ANKRD31: variants seen among roughly 807,000 people sequenced by gnomAD.
The protein encoded by ANKRD31 is ankyrin repeat domain-containing protein 31.
A neutral mutation model predicts 186.0 loss-of-function variants in ANKRD31; 147 were observed. That is an observed-to-expected ratio of 0.79 (90% CI 0.69 to 0.91). ANKRD31 has a LOEUF of 0.91. Among genes scored for constraint, ANKRD31 ranks in the 40% least tolerant of loss-of-function variants. The pLI is 0.00. For synonymous variants in ANKRD31, 673 were observed against 736.4 expected (o/e 0.91, Z 1.39); for missense variants, 1,986 against 2,148.8 (o/e 0.92, Z 1.50).
At chr5:75,094,571 T>C (rs1458914506) in intron 22 of ANKRD31, among the ~76,000 whole-genome samples, 5 of 152,098 alleles carry the variant, frequency 3.3e-5, no homozygotes, top group South Asian at 2.1e-4. Flanking sequence ...GAATTCTACA[T>C]TGGAAAATAT....
intron 13 of ANKRD31, among the ~76,000 whole-genome samples, chr5:75,147,797 T>C (rs1257154029): frequency 6.6e-6 from 1 of 151,864 alleles, no homozygotes. Flanking sequence ...TTATTAAACA[T>C]AATAAATTTT....
chr5:75,167,174 A>AT lies in ANKRD31; in HGVS notation c.1707+1804dup, dbSNP rs72014745. On this transcript the variant is annotated intron_variant, in intron 11 of 25. Transcript: ENST00000506364. The stretch of plus-strand genomic sequence containing the variant: ...AAATTAATGGAATGGTAAGATGTGG[A>AT]TTTTTTTTTTTTACTGCTTTTTCAC... Among the ~76,000 whole-genome samples the AT allele has an allele frequency of 6.4e-3, 943 of 146,566 alleles. 12 individuals are homozygous for AT. The East Asian group carries it at 0.065, about 10-fold the overall frequency.
rs975810526 is a variant in ANKRD31 at position 75,193,552 on chromosome 5, C to A, written c.1057G>T (p.Ala353Ser). 1.3e-6 allele frequency: 2 copies of A among 1,536,468 alleles called. No individual in the cohort carries two copies. Among genetic ancestry groups the A allele is most frequent in the African/African-American group, 1.4e-5 (1 of 73,000 alleles). ...DPNPSGLQTL[A>S]HQNITSCEPL... Reference sequence around the variant, plus strand: ...TCACAAGAAGTGATATTTTGATGAGCCAAAGTTTGCAATCCAGATGGATTT... The same window carrying A: ...TCACAAGAAGTGATATTTTGATGAGACAAAGTTTGCAATCCAGATGGATTT... Residue 353 changes from alanine to serine, a missense_variant, in exon 8 of 26, where the codon GCT (alanine) becomes TCT (serine). Coordinates refer to ENST00000506364, the MANE Select transcript of ANKRD31 (RefSeq NM_001372053.1).
chr5:75,192,660 G>A lies in ANKRD31; in HGVS notation c.1408+7C>T. The A allele has an allele frequency of 1.3e-6, 2 of 1,491,930 alleles. No individual in the cohort carries two copies. The highest frequency in any genetic ancestry group is 1.8e-6 in the Non-Finnish European group (2 of 1,110,336). 92.4% of individuals were successfully genotyped at this position (1,491,930 alleles called of 1,614,324 possible). ...AGAAATAGAAAAATACTCAAAATAT[G>A]CATCACCTTTTTTTCCTGAAAATTG... is the stretch of plus-strand genomic sequence containing the variant. On this transcript the variant is annotated splice_region_variant and intron_variant, in intron 9 of 25. Transcript: ENST00000506364.
intron 3 of ANKRD31, among the ~76,000 whole-genome samples, chr5:75,212,278 C>T (rs2150290190): frequency 6.6e-6 from 1 of 152,176 alleles, no homozygotes; most frequent in Non-Finnish European, 1.5e-5. Context: ...AATATTTCCC[C>T]TAAGGACCAG....
intron 23 of ANKRD31, among the ~76,000 whole-genome samples, chr5:75,088,325 A>G (rs1745657067): frequency 6.6e-6 from 1 of 152,230 alleles, no homozygotes; most frequent in East Asian, 1.9e-4. Flanking sequence ...AAATTCAGGG[A>G]GGCATCCGGA....
Position 75,236,781 on chromosome 5 carries a change from T to A in ANKRD31, c.-95A>T. On this transcript the variant is annotated 5_prime_UTR_variant, in exon 1 of 26. Transcript: ENST00000506364. ...TTGAGGGCCAGGGGAAATTGTGAAT[T>A]AAAAATAAAAATAATATAATCGCAG... 1.1e-6 allele frequency: 1 copy of A among 944,550 alleles called. No individual in the cohort carries two copies. Among genetic ancestry groups the A allele is most frequent in the Non-Finnish European group, 1.5e-6 (1 of 649,310 alleles). The allele number at this position is 944,550 out of a possible 1,614,324, so 58.5% of individuals were successfully genotyped here.
intron 12 of ANKRD31, among the ~76,000 whole-genome samples, chr5:75,150,382 T>C (rs1020877412): frequency 6.6e-6 from 1 of 152,020 alleles, no homozygotes; most frequent in Non-Finnish European, 1.5e-5. Flanking sequence ...AAATGAATAC[T>C]CTGTTTTTAT....
intron 15 of ANKRD31, among the ~76,000 whole-genome samples, chr5:75,139,967 T>C (rs2150132790): frequency 6.6e-6 from 1 of 152,214 alleles, no homozygotes; most frequent in South Asian, 2.1e-4. Context: ...GCCAGGAACC[T>C]GAAGGTTTGT....
At chr5:75,178,701 A>C (rs917591909) in intron 10 of ANKRD31, among the ~76,000 whole-genome samples, 157 of 151,950 alleles carry the variant, frequency 1.0e-3, no homozygotes, top group African/African-American at 3.7e-3. Context: ...ACAAAGACAC[A>C]ACATACCAGA....
chr5:75,174,299 C>T (rs949139116), intron 10 of ANKRD31, among the ~76,000 whole-genome samples: 1 of 152,130 alleles, frequency 6.6e-6, no homozygotes, highest in Non-Finnish European at 1.5e-5. Context: ...TAGGCAATAC[C>T]ATTCAGGACA....
intron 17 of ANKRD31, among the ~76,000 whole-genome samples, chr5:75,126,365 C>T (rs1454438872): frequency 6.6e-6 from 1 of 152,022 alleles, no homozygotes; most frequent in African/African-American, 2.4e-5. Context: ...TTGCTTGAAC[C>T]CGGGAGGCAG....
chr5:75,192,237 A>T (rs541380359), intron 9 of ANKRD31, among the ~76,000 whole-genome samples: 27 of 152,276 alleles, frequency 1.8e-4, no homozygotes, highest in African/African-American at 5.8e-4. Flanking sequence ...TATTTTTTAA[A>T]CAATGTTTCT....
At chr5:75,121,165 GA>G (rs1321861798) in intron 17 of ANKRD31, among the ~76,000 whole-genome samples, 4 of 148,070 alleles carry the variant, frequency 2.7e-5, no homozygotes, top group African/African-American at 9.9e-5. Context: ...CCTGCTGACA[GA>G]GTGAGACTCT....
At chr5:75,105,971 T>G (rs922314612) in intron 21 of ANKRD31, among the ~76,000 whole-genome samples, 11 of 152,280 alleles carry the variant, frequency 7.2e-5, no homozygotes, top group Non-Finnish European at 1.5e-4. Context: ...ATTGGACACT[T>G]TGTTTTCAGT....
At chr5:75,097,161 T>C (rs1746398774) in intron 22 of ANKRD31, among the ~76,000 whole-genome samples, 1 of 152,264 alleles carries the variant, frequency 6.6e-6, no homozygotes, top group Non-Finnish European at 1.5e-5. Context: ...TTATAATCCT[T>C]TGGGCATATA....
intron 12 of ANKRD31, among the ~76,000 whole-genome samples, chr5:75,152,677 T>A (rs1477936): frequency 0.51 from 76,590 of 151,188 alleles, 22,400 homozygotes; most frequent in African/African-American, 0.82. Context: ...TACGTACAAG[T>A]CACTTTAATA....
In ANKRD31 at chr5:75,146,425, G is replaced by T; in HGVS notation, c.2986C>A (p.Pro996Thr). ...TTGCCATTTGAGTGATCAAAAGAAGGTCCAAATATGCATTGTTCATAATTT... is the reference window on the plus strand; with the variant it reads ...TTGCCATTTGAGTGATCAAAAGAAGTTCCAAATATGCATTGTTCATAATTT... ...VANYEQCIFG[P>T]SFDHSNGNPE... Residue 996 changes from proline (P) to threonine (T), a missense_variant, in exon 14 of 26, where the codon CCT becomes ACT. Transcript: ENST00000506364. 6.5e-7 allele frequency: 1 copy of T among 1,536,420 alleles called. No homozygotes were observed. The highest frequency in any genetic ancestry group is 1.2e-5 in the South Asian group (1 of 84,022).
intron 11 of ANKRD31, among the ~76,000 whole-genome samples, chr5:75,158,571 T>C (rs1405688917): frequency 1.3e-5 from 2 of 152,084 alleles, no homozygotes; most frequent in Admixed American, 6.6e-5. Context: ...AGGCCAGCAG[T>C]TCTAAACCAG....
Sources: gnomAD v4.1 joint callset for allele counts (sites outside exome capture counted in the v4.1 genomes callset) on GRCh38, gnomAD v4.1.1 for gene constraint, MANE v1.5 for transcripts, NCBI Gene and HGNC (gene_info 2026-07-23, HGNC 2026-07-21) for gene names.